The following DMD variants were observed in gnomAD, a reference collection of about 807,000 sequenced individuals.
The protein encoded by DMD is mutant dystrophin.
A neutral mutation model predicts 330.1 loss-of-function variants in DMD; 63 were observed. That is an observed-to-expected ratio of 0.19 (90% confidence interval 0.16 to 0.24). The LOEUF (loss-of-function observed/expected upper bound fraction) is 0.24. Among genes scored for constraint, DMD ranks in the 10% least tolerant of loss-of-function variants. The pLI, the probability that DMD is intolerant of heterozygous loss-of-function variation, is 1.00. For synonymous variants in DMD, 1,223 were observed against 959.8 expected, an observed-to-expected ratio of 1.27 and a Z score of -5.07; for missense variants, 3,344 against 2,684.1, an observed-to-expected ratio of 1.25 and a Z score of -5.43.
chrX:31,195,895 A>C (rs1448920231), intron 67 of DMD, among the ~76,000 whole-genome samples: 1 of 111,642 alleles, frequency 9.0e-6, no homozygotes, highest in East Asian at 2.8e-4. Context: ...AGATTTGGTC[A>C]TAACAATGAA....
intron 13 of DMD, among the ~76,000 whole-genome samples, chrX:32,592,371 G>T (rs2149248716): frequency 9.0e-6 from 1 of 110,916 alleles, no homozygotes; most frequent in Non-Finnish European, 1.9e-5. Context: ...TTAGACATTG[G>T]GACTACCAGC....
chrX:31,749,591 C>T (rs764781015), intron 51 of DMD, among the ~76,000 whole-genome samples: 82 of 110,685 alleles, frequency 7.4e-4, no homozygotes, highest in Non-Finnish European at 1.4e-3. Context: ...GTAAATAGTG[C>T]CTCAATAAAC....
chrX:32,038,764 T>G (rs183265132), intron 44 of DMD, among the ~76,000 whole-genome samples: 1 of 111,116 alleles, frequency 9.0e-6, no homozygotes, highest in South Asian at 3.8e-4. Context: ...TAGTCTAGGA[T>G]TTGGAATATT....
chrX:32,824,168 G>A (rs1010801144), intron 4 of DMD, among the ~76,000 whole-genome samples: 1 of 111,821 alleles, frequency 8.9e-6, no homozygotes, highest in African/African-American at 3.3e-5. Flanking sequence ...AAACTCAAAT[G>A]ATATAGCCAC....
rs770485560 is a variant in DMD, at chrX:32,464,521, C to A, written c.3276+65G>T. The A allele has an allele frequency of 4.5e-6, 4 of 884,532 alleles. No individual in the cohort carries two copies. In the African/African-American group the frequency reaches 6.0e-5, roughly 13 times the overall value. 72.9% of individuals were successfully genotyped at this position (884,532 alleles called of 1,213,427 possible). On this transcript the variant is annotated intron_variant, in intron 24 of 78. Transcript: ENST00000357033. ...CAAAATCCACCCCAGCTGTAAAACA[C>A]TGATCTAACCAAATAATATTCATAC...
chrX:31,668,651 T>C (rs1349676497), intron 53 of DMD, among the ~76,000 whole-genome samples: 1 of 111,086 alleles, frequency 9.0e-6, no homozygotes. Context: ...AATTTTGAAA[T>C]ATACAATATA....
chrX:33,121,972 T>C (rs760977241), intron 1 of DMD, among the ~76,000 whole-genome samples: 1 of 112,484 alleles, frequency 8.9e-6, no homozygotes, highest in South Asian at 3.7e-4. Context: ...ATGCCTGTAA[T>C]CTCAACACTT....
At chrX:32,998,018 TG>T (rs1398872457) in intron 2 of DMD, among the ~76,000 whole-genome samples, 1 of 111,213 alleles carries the variant, frequency 9.0e-6, no homozygotes, top group African/African-American at 3.3e-5. Flanking sequence ...TAAACTTTAT[TG>T]TTTTTTTCTT....
At chrX:32,160,230 G>A (rs1164742494) in intron 44 of DMD, among the ~76,000 whole-genome samples, 1 of 103,889 alleles carries the variant, frequency 9.6e-6, no homozygotes, top group African/African-American at 3.5e-5. Context: ...TTTTGTTTGC[G>A]TGTTTGTTTT....
At chrX:33,075,581 G>T (rs970424147) in intron 1 of DMD, among the ~76,000 whole-genome samples, 1 of 112,313 alleles carries the variant, frequency 8.9e-6, no homozygotes, top group African/African-American at 3.2e-5. Context: ...CAGGTATTCT[G>T]TTTTATAGCA....
chrX:32,054,637 T>C (rs928109762), intron 44 of DMD, among the ~76,000 whole-genome samples: 3 of 108,886 alleles, frequency 2.8e-5, no homozygotes, highest in Non-Finnish European at 5.7e-5. Context: ...GCTAACCACT[T>C]GCTCATTTGC....
In DMD at chrX:31,774,046, G is replaced by T. The variant is rs2090508593; in HGVS notation, c.7456C>A (p.Leu2486Ile). 1 of 1,207,926 alleles carries T rather than the reference G, an allele frequency of 8.3e-7. No homozygotes were observed. The highest frequency in any genetic ancestry group is 2.2e-5 in the Admixed American group (1 of 45,318). Residue 2486 changes from leucine (L) to isoleucine (I), a missense_variant, in exon 51 of 79, where the codon CTT (leucine) becomes ATT (isoleucine). Leu to Ile is a conservative substitution (Grantham distance 5). Coordinates refer to ENST00000357033, the MANE Select transcript of DMD (RefSeq NM_004006.3). Reference protein sequence around the residue: ...NRAWTELTDWLSLLDQVIKSQ... With the variant: ...NRAWTELTDWISLLDQVIKSQ... Reference sequence around the variant, plus strand: ...TTTATAACTTGATCAAGCAGAGAAAGCCAGTCGGTAAGTTCTGTCCAAGCC... The same window carrying T: ...TTTATAACTTGATCAAGCAGAGAAATCCAGTCGGTAAGTTCTGTCCAAGCC...
intron 52 of DMD, among the ~76,000 whole-genome samples, chrX:31,689,024 G>A (rs1243269051): frequency 2.7e-5 from 3 of 111,675 alleles, no homozygotes; most frequent in African/African-American, 6.5e-5. Context: ...TACTGAATGG[G>A]CAAAACTGGA....
chrX:31,122,367 TATCA>T (rs886663465), intron 78 of DMD, among the ~76,000 whole-genome samples: 1 of 111,111 alleles, frequency 9.0e-6, no homozygotes, highest in Non-Finnish European at 1.9e-5. Context: ...TTTTTTTTAC[TATCA>T]ATCAAACCAC....
chrX:32,340,151 C>T (rs1362410876), intron 41 of DMD, among the ~76,000 whole-genome samples: 1 of 111,665 alleles, frequency 9.0e-6, no homozygotes, highest in Non-Finnish European at 1.9e-5. Flanking sequence ...TATATACCTA[C>T]TTATCATCTA....
intron 49 of DMD, among the ~76,000 whole-genome samples, chrX:31,829,232 T>C (rs1237161641): frequency 2.7e-5 from 3 of 110,206 alleles, no homozygotes; most frequent in South Asian, 3.9e-4. Context: ...AGTGGGGAGC[T>C]TGGGAGTGAG....
intron 18 of DMD, among the ~76,000 whole-genome samples, chrX:32,515,038 A>G (rs2148785014): frequency 8.9e-6 from 1 of 112,475 alleles, no homozygotes; most frequent in South Asian, 3.7e-4. Context: ...AGAGAGCAGT[A>G]TCTTTGGAAT....
At chrX:33,274,349 T>C (rs934954778) in intron 1 of DMD, among the ~76,000 whole-genome samples, 2 of 111,920 alleles carry the variant, frequency 1.8e-5, no homozygotes, top group Non-Finnish European at 3.8e-5. Context: ...ATTTAGAAAA[T>C]TCATGTTGAG....
chrX:31,590,487 T>C (rs1286284883), intron 55 of DMD, among the ~76,000 whole-genome samples: 1 of 111,589 alleles, frequency 9.0e-6, no homozygotes, highest in Non-Finnish European at 1.9e-5. Context: ...GACTAGTGTT[T>C]TCCTAGACTA....
Sources: allele counts gnomAD v4.1 joint callset (sites outside exome capture counted in the v4.1 genomes callset), GRCh38; gene constraint gnomAD v4.1.1; transcripts MANE v1.5; gene names NCBI Gene and HGNC (gene_info 2026-07-23, HGNC 2026-07-21).